The following CCDC7 variants were observed in gnomAD, a reference collection of about 807,000 sequenced individuals.
CCDC7 encodes coiled-coil domain containing 7, also known as coiled-coil domain-containing protein 7.
In CCDC7, 183 loss-of-function variants were observed where a neutral mutation model predicts 196.9. The observed-to-expected ratio is 0.93, with a 90% CI of 0.82 to 1.05. The LOEUF (loss-of-function observed/expected upper bound fraction) is 1.05, where lower values mean the gene tolerates loss of function less well. CCDC7 is among the 50% of genes least tolerant of loss of function. The probability of loss-of-function intolerance (pLI) is 0.00; values close to 1 mark genes in which losing one functional copy is unlikely to be tolerated. For missense variants in CCDC7, 1,540 were observed against 1,482.2 expected (o/e 1.04, Z -0.64); for synonymous variants, 525 against 484.6 (o/e 1.08, Z -1.10).
At chr10:32,566,504 AC>A (rs772203732) in intron 14 of CCDC7, among the ~76,000 whole-genome samples, 8 of 152,188 alleles carry the variant, frequency 5.3e-5, no homozygotes, top group Non-Finnish European at 8.8e-5. Flanking sequence ...TACTTCTATT[AC>A]CTATTCTGAT....
At chr10:32,833,199 T>C (rs1470832490) in intron 32 of CCDC7, among the ~76,000 whole-genome samples, 1 of 152,096 alleles carries the variant, frequency 6.6e-6, no homozygotes, top group East Asian at 1.9e-4. Context: ...AATATAGCAG[T>C]AATCCTTGTA....
intron 33 of CCDC7, among the ~76,000 whole-genome samples, chr10:32,843,820 A>G (rs17296240): frequency 0.039 from 5,882 of 151,940 alleles, 120 homozygotes; most frequent in Middle Eastern, 0.051. Context: ...TTATGTTTCT[A>G]TAGATGTGCT....
At chr10:32,692,347 G>C (rs995608509) in intron 23 of CCDC7, among the ~76,000 whole-genome samples, 5 of 152,198 alleles carry the variant, frequency 3.3e-5, no homozygotes, top group Middle Eastern at 3.2e-3. Flanking sequence ...GGATATCTTG[G>C]TATGTGAATC....
intron 33 of CCDC7, among the ~76,000 whole-genome samples, chr10:32,842,318 AATGGC>A: frequency 1.3e-5 from 2 of 152,178 alleles, no homozygotes; most frequent in Non-Finnish European, 2.9e-5. Context: ...AAGATATACA[AATGGC>A]CAACAAGCAT....
intron 9 of CCDC7, among the ~76,000 whole-genome samples, chr10:32,504,224 C>A (rs2044525981): frequency 6.9e-6 from 1 of 144,054 alleles, no homozygotes; most frequent in Non-Finnish European, 1.5e-5. Context: ...TCATGCCATT[C>A]TCCTGCCTCA....
At chr10:32,677,711 G>T (rs530837671) in intron 21 of CCDC7, among the ~76,000 whole-genome samples, 19 of 151,926 alleles carry the variant, frequency 1.3e-4, no homozygotes, top group African/African-American at 4.1e-4. Context: ...ACCTATTTAG[G>T]ATCCTTTGTG....
chr10:32,738,897 C>T (rs1046399255), intron 28 of CCDC7, among the ~76,000 whole-genome samples: 9 of 151,554 alleles, frequency 5.9e-5, no homozygotes, highest in African/African-American at 2.2e-4. Context: ...TGCAAGGATA[C>T]TGGCAACAAA....
intron 5 of CCDC7, among the ~76,000 whole-genome samples, chr10:32,470,764 A>G (rs1022025203): frequency 1.3e-5 from 2 of 152,138 alleles, no homozygotes; most frequent in African/African-American, 4.8e-5. Flanking sequence ...ACTCTTGTAA[A>G]TATTTTGAGT....
chr10:32,681,429 A>G (rs1276608612), intron 21 of CCDC7, among the ~76,000 whole-genome samples: 1 of 152,152 alleles, frequency 6.6e-6, no homozygotes, highest in Non-Finnish European at 1.5e-5. Flanking sequence ...TTGTCACAAT[A>G]CAGCTACTGT....
intron 40 of CCDC7, 25 bp from the exon 42 acceptor site, chr10:32,854,375 A>T: frequency 7.6e-7 from 1 of 1,311,170 alleles, no homozygotes; most frequent in Non-Finnish European, 1.1e-6. Flanking sequence ...CACATAATTT[A>T]ATAACACTGT....
intron 24 of CCDC7, among the ~76,000 whole-genome samples, chr10:32,696,115 A>G (rs1421571722): frequency 6.6e-6 from 1 of 152,174 alleles, no homozygotes; most frequent in Admixed American, 6.5e-5. Flanking sequence ...CCTAATTGCA[A>G]CAATTCGCCT....
chr10:32,577,580 A>G (rs143453369), intron 16 of CCDC7, among the ~76,000 whole-genome samples: 43 of 152,290 alleles, frequency 2.8e-4, no homozygotes, highest in East Asian at 1.2e-3. Flanking sequence ...GAAGGAATGT[A>G]TCACTCCATA....
At chr10:32,612,881 T>C (rs919236092) in intron 18 of CCDC7, among the ~76,000 whole-genome samples, 5 of 104,860 alleles carry the variant, frequency 4.8e-5, no homozygotes, top group African/African-American at 1.7e-4. Flanking sequence ...ATTTTCTTTG[T>C]TTTTTTTTTT....
intron 5 of CCDC7, among the ~76,000 whole-genome samples, chr10:32,470,616 T>A (rs2037757981): frequency 6.6e-6 from 1 of 152,150 alleles, no homozygotes; most frequent in Admixed American, 6.6e-5. Context: ...AAAATGCTAG[T>A]TCCATAGATC....
chr10:32,446,414 G>C lies in CCDC7; in HGVS notation c.-52+17G>C, dbSNP rs2030991382. 6.6e-6 allele frequency: 1 copy of C among 152,244 alleles called. No homozygotes were observed. Among genetic ancestry groups the C allele is most frequent in the South Asian group, 2.1e-4 (1 of 4,834 alleles). The allele number at this position is 152,244 out of a possible 1,614,324, so 9.4% of individuals were successfully genotyped here. On this transcript the variant is annotated intron_variant, in intron 1 of 17. Coordinates refer to the CCDC7 transcript ENST00000277657. ...TCTCAGCAGGTACACAGGGCGGGGA[G>C]CCTCGGGAGCGGCTCCCTTAGCAGG...
At chr10:32,722,326 T>C (rs1316572968) in intron 25 of CCDC7, among the ~76,000 whole-genome samples, 3 of 152,124 alleles carry the variant, frequency 2.0e-5, no homozygotes, top group East Asian at 1.9e-4. Flanking sequence ...GTTTTAGTGG[T>C]CCAGTGGGAC....
chr10:32,518,449 T>C, exon 11 of CCDC7: 1 of 1,606,480 alleles, frequency 6.2e-7, no homozygotes, highest in Non-Finnish European at 8.5e-7. Context: ...TTTTCAGTTG[T>C]TATCAGAAGA....
intron 29 of CCDC7, among the ~76,000 whole-genome samples, chr10:32,796,785 A>G (rs942475825): frequency 1.3e-5 from 2 of 152,242 alleles, no homozygotes; most frequent in Non-Finnish European, 1.5e-5. Flanking sequence ...TATAAGGCAT[A>G]ATTGAAGAAT....
At chr10:32,518,270 A>G in intron 10 of CCDC7, 146 bp from the exon 12 acceptor site, 1 of 905,440 alleles carries the variant, frequency 1.1e-6, no homozygotes, top group Non-Finnish European at 1.6e-6. Context: ...AGCTCCAATT[A>G]TTGTGTCACT....
Sources: allele counts gnomAD v4.1 joint callset (sites outside exome capture counted in the v4.1 genomes callset), GRCh38; gene constraint gnomAD v4.1.1; transcripts MANE v1.5; gene names NCBI Gene and HGNC (gene_info 2026-07-23, HGNC 2026-07-21).